The following ERBB4 variants were observed in gnomAD, a reference collection of about 807,000 sequenced individuals.
ERBB4 encodes erb-b2 receptor tyrosine kinase 4.
Under a neutral mutation model 158.0 loss-of-function variants are expected in ERBB4, and 42 were observed. The ratio of observed to expected loss-of-function variants is 0.27; its 90% CI spans 0.21 to 0.34. The LOEUF (loss-of-function observed/expected upper bound fraction) is 0.34, where lower values mean the gene tolerates loss of function less well. ERBB4 is among the 10% of genes least tolerant of loss of function. The probability of loss-of-function intolerance (pLI) is 1.00; values close to 1 mark genes in which losing one functional copy is unlikely to be tolerated. For synonymous variants in ERBB4, 583 were observed against 558.7 expected, an observed-to-expected ratio of 1.04 and a Z score of -0.61; for missense variants, 1,333 against 1,624.1, an observed-to-expected ratio of 0.82 and a Z score of 3.08.
At chr2:211,629,164 A>C (rs1384781978) in intron 17 of ERBB4, among the ~76,000 whole-genome samples, 2 of 152,134 alleles carry the variant, frequency 1.3e-5, no homozygotes, top group Admixed American at 6.6e-5. Flanking sequence ...TCAGCCCCCA[A>C]ATCTCCTTCA....
At chr2:211,535,381 C>T (rs549077993) in intron 20 of ERBB4, among the ~76,000 whole-genome samples, 9 of 151,834 alleles carry the variant, frequency 5.9e-5, no homozygotes, top group South Asian at 2.1e-4. Flanking sequence ...TTAATGTTTA[C>T]GGATGTATAT....
intron 1 of ERBB4, among the ~76,000 whole-genome samples, chr2:212,320,265 C>A (rs2087501167): frequency 6.7e-6 from 1 of 148,644 alleles, no homozygotes. Context: ...ATATAGCCTA[C>A]CAAATCCCTT....
At chr2:211,855,941 A>T (rs926430273) in intron 3 of ERBB4, among the ~76,000 whole-genome samples, 1 of 152,218 alleles carries the variant, frequency 6.6e-6, no homozygotes, top group African/African-American at 2.4e-5. Context: ...CAGATGAATG[A>T]TTAAAATTAA....
At chr2:212,181,597 C>A (rs1208345088) in intron 1 of ERBB4, among the ~76,000 whole-genome samples, 4 of 151,676 alleles carry the variant, frequency 2.6e-5, no homozygotes, top group African/African-American at 9.7e-5. Flanking sequence ...CAGCAGAAAT[C>A]TTCTGCTTTT....
At position 212,532,462 on chromosome 2, in the gene ERBB4, G is replaced by A. The variant is rs556769396; in HGVS notation, c.82+5987C>T. On this transcript the variant is annotated intron_variant, in intron 1 of 27. Coordinates refer to ENST00000342788, the MANE Select transcript of ERBB4 (RefSeq NM_005235.3). ...TTGGAACAACAACAACAAAAAAGAG[G>A]TCCACTTACAAAAATAATTAAAAAC... Among the ~76,000 whole-genome samples, 9 of 150,330 alleles carry A rather than the reference G, an allele frequency of 6.0e-5. No homozygotes were observed. In the South Asian group the frequency reaches 1.9e-3, roughly 31 times the overall value.
At chr2:212,155,815 T>C (rs2081019079) in intron 1 of ERBB4, among the ~76,000 whole-genome samples, 1 of 152,104 alleles carries the variant, frequency 6.6e-6, no homozygotes, top group Non-Finnish European at 1.5e-5. Context: ...TATTGCAAAA[T>C]ATTATTGACA....
intron 1 of ERBB4, among the ~76,000 whole-genome samples, chr2:212,154,809 T>C (rs1251022123): frequency 6.6e-6 from 1 of 152,104 alleles, no homozygotes; most frequent in African/African-American, 2.4e-5. Context: ...TACTCTCTTA[T>C]TTTTCTTTTC....
chr2:211,805,604 T>G (rs538212952), intron 3 of ERBB4, among the ~76,000 whole-genome samples: 1 of 152,216 alleles, frequency 6.6e-6, no homozygotes, highest in African/African-American at 2.4e-5. Context: ...CAGCACTGTG[T>G]CTCTTTGCTT....
At chr2:211,570,344 C>T (rs71350746) in intron 19 of ERBB4, among the ~76,000 whole-genome samples, 92,708 of 118,122 alleles carry the variant, frequency 0.78, 35,352 homozygotes, top group East Asian at 0.91. Context: ...TTTTTTTTTT[C>T]TCAGTAGAGA....
At chr2:212,188,816 A>G (rs1269949430) in intron 1 of ERBB4, among the ~76,000 whole-genome samples, 1 of 152,086 alleles carries the variant, frequency 6.6e-6, no homozygotes, top group African/African-American at 2.4e-5. Context: ...CATAGACTCA[A>G]CATACTTATA....
At chr2:212,177,888 C>T (rs1163809932) in intron 1 of ERBB4, among the ~76,000 whole-genome samples, 1 of 151,644 alleles carries the variant, frequency 6.6e-6, no homozygotes, top group Non-Finnish European at 1.5e-5. Flanking sequence ...GGATAAAGCA[C>T]TTAAGCTAAG....
At chr2:211,904,593 G>C (rs752317812) in intron 3 of ERBB4, among the ~76,000 whole-genome samples, 28 of 152,176 alleles carry the variant, frequency 1.8e-4, no homozygotes, top group Non-Finnish European at 4.0e-4. Flanking sequence ...CTCACACTTA[G>C]TGCTAAATAA....
chr2:211,498,015 T>G (rs1215458816), intron 20 of ERBB4, among the ~76,000 whole-genome samples: 1 of 152,124 alleles, frequency 6.6e-6, no homozygotes, highest in Non-Finnish European at 1.5e-5. Context: ...CATGGGTCGC[T>G]GCATTGTGTA....
intron 12 of ERBB4, among the ~76,000 whole-genome samples, chr2:211,693,443 C>A (rs997441570): frequency 6.6e-6 from 1 of 152,092 alleles, no homozygotes; most frequent in African/African-American, 2.4e-5. Context: ...TTATCTTTTT[C>A]TCCCAAACCT....
At chr2:212,160,447 T>C (rs1163992596) in intron 1 of ERBB4, among the ~76,000 whole-genome samples, 2 of 152,026 alleles carry the variant, frequency 1.3e-5, no homozygotes, top group Admixed American at 1.3e-4. Context: ...TCCTCCATAG[T>C]TAAATAAAAC....
At chr2:211,953,885 C>A (rs1007777164) in intron 2 of ERBB4, among the ~76,000 whole-genome samples, 1 of 151,856 alleles carries the variant, frequency 6.6e-6, no homozygotes, top group East Asian at 1.9e-4. Flanking sequence ...AAAATGACAA[C>A]AAATTTTATA....
At chr2:212,441,736 A>T (rs1334435580) in intron 1 of ERBB4, among the ~76,000 whole-genome samples, 1 of 152,184 alleles carries the variant, frequency 6.6e-6, no homozygotes, top group Non-Finnish European at 1.5e-5. Flanking sequence ...GTTAGCTGAA[A>T]TATGGATTAA....
intron 1 of ERBB4, among the ~76,000 whole-genome samples, chr2:212,428,790 A>AAGAAG (rs202195530): frequency 0.013 from 2,002 of 152,258 alleles, 16 homozygotes; most frequent in Middle Eastern, 0.037. Flanking sequence ...ATTTGTTATC[A>AAGAAG]AGAAGAGAAG....
intron 12 of ERBB4, among the ~76,000 whole-genome samples, chr2:211,682,086 A>G (rs2072366956): frequency 1.7e-5 from 2 of 118,200 alleles, no homozygotes; most frequent in African/African-American, 6.7e-5. Context: ...ACACACACAC[A>G]CACACAATTG....
Sources: allele counts gnomAD v4.1 joint callset (sites outside exome capture counted in the v4.1 genomes callset), GRCh38; gene constraint gnomAD v4.1.1; transcripts MANE v1.5; gene names NCBI Gene and HGNC (gene_info 2026-07-23, HGNC 2026-07-21).